CIZ1: variants seen among roughly 807,000 people sequenced by gnomAD.
CIZ1 encodes cip1-interacting zinc finger protein.
CIZ1 carries 58 observed loss-of-function variants against 118.6 expected under a neutral mutation model. The observed-to-expected ratio is 0.49, with a 90% CI of 0.40 to 0.61. The LOEUF (loss-of-function observed/expected upper bound fraction) is 0.61. Ranked by LOEUF, CIZ1 falls within the 20% of genes least tolerant of loss-of-function variation. CIZ1 has a pLI of 0.00. For synonymous variants in CIZ1, 448 were observed against 443.4 expected (o/e 1.01, Z -0.13); for missense variants, 921 against 1,115.9 (o/e 0.83, Z 2.49).
intron 7 of CIZ1, among the ~76,000 whole-genome samples, chr9:128,179,776 G>C (rs1205951006): frequency 1.3e-5 from 2 of 152,120 alleles, no homozygotes; most frequent in African/African-American, 4.8e-5. Context: ...AGGTCCAAGC[G>C]ATTCTCCTGC....
chr9:128,167,500 T>C, intron 14 of CIZ1: 1 of 244,128 alleles, frequency 4.1e-6, no homozygotes, highest in South Asian at 9.2e-5. Context: ...TACACACATT[T>C]TACTAAGAAG....
chr9:128,189,264 G>GA (rs1832831291), intron 3 of CIZ1, among the ~76,000 whole-genome samples: 1 of 151,890 alleles, frequency 6.6e-6, no homozygotes, highest in Non-Finnish European at 1.5e-5. Context: ...AAATGGGAAA[G>GA]AAAAAAAGGA....
intron 6 of CIZ1, 92 bp downstream of exon 6, chr9:128,180,629 C>A: frequency 7.4e-7 from 1 of 1,342,282 alleles, no homozygotes; most frequent in Non-Finnish European, 1.1e-6. Context: ...AGAACCCCTG[C>A]CTCCCACACC....
In CIZ1 at chr9:128,176,512, T is replaced by C. The variant is rs768696226; in HGVS notation, c.1819-37A>G. On this transcript the variant is annotated intron_variant, in intron 10 of 16. Transcript: ENST00000372938. Reference sequence around the variant, plus strand: ...GGGAAAGAGGGATGGGCCTGGGGCGTGAGCCCAGAACAGTGGGCAAGGCTG... The same window carrying C: ...GGGAAAGAGGGATGGGCCTGGGGCGCGAGCCCAGAACAGTGGGCAAGGCTG... The C allele has an allele frequency of 3.1e-6, 5 of 1,603,724 alleles. No individual in the cohort carries two copies. The South Asian group carries it at 5.5e-5, about 18-fold the overall frequency.
At chr9:128,169,897 T>C (rs1829923033) in intron 12 of CIZ1, 123 bp downstream of exon 12, 8 of 1,025,992 alleles carry the variant, frequency 7.8e-6, no homozygotes, top group South Asian at 4.4e-5. Flanking sequence ...AGAAACTGCA[T>C]TGTGGGTTAT....
At chr9:128,172,019 C>T (rs182104070) in intron 11 of CIZ1, among the ~76,000 whole-genome samples, 45 of 151,606 alleles carry the variant, frequency 3.0e-4, no homozygotes, top group African/African-American at 7.0e-4. Context: ...CTGGGCATAC[C>T]GCTGGTTCAC....
In CIZ1 at chr9:128,169,075, C is replaced by A; in HGVS notation, c.2272G>T (p.Val758Phe). ...EDDEDEEEIEVEEELCKQVRS... is the reference protein window; with the variant it reads ...EDDEDEEEIEFEEELCKQVRS... Reference sequence around the variant, plus strand: ...ACCTGCTTGCAGAGTTCCTCCTCAACCTCGATCTCTTCTTCATCCTCATCA... The same window carrying A: ...ACCTGCTTGCAGAGTTCCTCCTCAAACTCGATCTCTTCTTCATCCTCATCA... Residue 758 changes from valine to phenylalanine, a missense_variant, in exon 14 of 17, where the codon GTT becomes TTT. Physicochemically the swap from Val to Phe is conservative, Grantham distance 50. Coordinates refer to ENST00000372938, the MANE Select transcript of CIZ1 (RefSeq NM_001131016.2). 6.2e-7 allele frequency: 1 copy of A among 1,614,162 alleles called. No individual in the cohort carries two copies. Among genetic ancestry groups the A allele is most frequent in the Non-Finnish European group, 8.5e-7 (1 of 1,180,010 alleles).
chr9:128,183,219 C>T (rs1831903440), intron 5 of CIZ1, among the ~76,000 whole-genome samples: 1 of 152,206 alleles, frequency 6.6e-6, no homozygotes, highest in Non-Finnish European at 1.5e-5. Context: ...CTCTGCCCTT[C>T]AGAAACTACC....
chr9:128,198,562 G>A (rs561813692), intron 1 of CIZ1, among the ~76,000 whole-genome samples: 12 of 152,226 alleles, frequency 7.9e-5, no homozygotes, highest in African/African-American at 2.6e-4. Flanking sequence ...GGCCAGGCAC[G>A]GTGGCTCATG....
rs45475997 is a variant in CIZ1, at chr9:128,183,514, C to T, written c.588+2033G>A. Among the ~76,000 whole-genome samples, 3 of 152,302 alleles carry T rather than the reference C, an allele frequency of 2.0e-5. No individual in the cohort carries two copies. The East Asian group carries it at 5.8e-4, about 29-fold the overall frequency. ...GCCAGCAAAGGGGGCATTGCCCCTG[C>T]GCTGGAATACACCCAGAAGCAGGGT... On this transcript the variant is annotated intron_variant, in intron 5 of 16. Transcript: ENST00000372938.
intron 11 of CIZ1, among the ~76,000 whole-genome samples, chr9:128,175,495 G>A (rs1032319596): frequency 6.6e-6 from 1 of 152,086 alleles, no homozygotes; most frequent in Admixed American, 6.6e-5. Flanking sequence ...GCAAGCGGAG[G>A]CCAACCAAGA....
At chr9:128,173,172 T>C (rs1490648516) in intron 11 of CIZ1, among the ~76,000 whole-genome samples, 1 of 130,650 alleles carries the variant, frequency 7.7e-6, no homozygotes, top group Non-Finnish European at 1.6e-5. Flanking sequence ...TGAGACGGAG[T>C]CTCGCTCTGT....
At chr9:128,191,746 C>A (rs1588272504), upstream of CIZ1, 2 of 1,394,954 alleles carry the variant, frequency 1.4e-6, no homozygotes, top group African/African-American at 3.0e-5. This position sits in a 1 kb window ranked among gnomAD's most constrained non-coding sequence, Gnocchi z 5.5. Flanking sequence ...TGTCCCGCGT[C>A]CTCCGCATCG....
Position 128,166,732 on chromosome 9 carries a change from G to A in CIZ1, c.2487+27C>T. The A allele has an allele frequency of 6.2e-7, 1 of 1,614,110 alleles. No individual in the cohort carries two copies. Among genetic ancestry groups the A allele is most frequent in the Non-Finnish European group, 8.5e-7 (1 of 1,179,978 alleles). On this transcript the variant is annotated intron_variant, in intron 16 of 16. Transcript: ENST00000372938. The surrounding 1 kb of genome is among the most constrained non-coding windows in gnomAD (Gnocchi z 4.4). Reference sequence around the variant, plus strand: ...ATTAAGACTAAGTCTGTGGCCAGGGGAGGACAGGGCAGGATGTCCGGCTCA... The same window carrying A: ...ATTAAGACTAAGTCTGTGGCCAGGGAAGGACAGGGCAGGATGTCCGGCTCA...
chr9:128,183,690 A>G (rs1174123138), intron 5 of CIZ1, among the ~76,000 whole-genome samples: 1 of 152,262 alleles, frequency 6.6e-6, no homozygotes, highest in African/African-American at 2.4e-5. Flanking sequence ...TATAGCCGGC[A>G]ACAGCGTATA....
In CIZ1 at chr9:128,191,428, G is replaced by T; in HGVS notation, c.-6+4C>A. ...CCACGACCCAGCCGCCCCCGGCCCC[G>T]CACCTCGCCTCCCCGCGCGCCCTCA... is the stretch of plus-strand genomic sequence containing the variant. On this transcript the variant is annotated splice_donor_region_variant and intron_variant, in intron 1 of 16. Coordinates refer to ENST00000372938, the MANE Select transcript of CIZ1 (RefSeq NM_001131016.2). The surrounding 1 kb of genome is among the most constrained non-coding windows in gnomAD (Gnocchi z 5.5). 1.1e-6 allele frequency: 1 copy of T among 944,490 alleles called. No homozygotes were observed. Among genetic ancestry groups the T allele is most frequent in the Non-Finnish European group, 1.3e-6 (1 of 790,768 alleles). The allele number at this position is 944,490 out of a possible 1,614,324, so 58.5% of individuals were successfully genotyped here.
chr9:128,176,385 G>C lies in CIZ1; in HGVS notation c.1909C>G (p.Pro637Ala), dbSNP rs916931766. ...MSQACLLSLLPVPRDVLETED... is the reference protein window; with the variant it reads ...MSQACLLSLLAVPRDVLETED... ...GTCTCCAGGACGTCCCGGGGCACGG[G>C]CAGCAGGGACAGGAGGCAGGCTTGG... The change falls in exon 11 of 17, where the codon CCC (proline) becomes GCC (alanine). Residue 637 changes from proline (P) to alanine (A), a missense_variant. Physicochemically the swap from Pro to Ala is conservative, Grantham distance 27 (BLOSUM62 -1). Coordinates refer to ENST00000372938, the MANE Select transcript of CIZ1 (RefSeq NM_001131016.2). 16 of 1,614,088 alleles carry C rather than the reference G, an allele frequency of 9.9e-6. No homozygotes were observed. The highest frequency in any genetic ancestry group is 1.3e-5 in the Non-Finnish European group (15 of 1,179,998).
At position 128,169,094 on chromosome 9, in the gene CIZ1, C is replaced by T. The variant is rs1829804099; in HGVS notation, c.2253G>A (p.Glu751=). The change falls in exon 14 of 17, where the codon GAG becomes GAA. Residue 751 remains glutamate (E), a synonymous_variant. Transcript: ENST00000372938. Reference sequence around the variant, plus strand: ...CCTCAACCTCGATCTCTTCTTCATCCTCATCATCCTCTTCCTCTTCTTCAT... The same window carrying T: ...CCTCAACCTCGATCTCTTCTTCATCTTCATCATCCTCTTCCTCTTCTTCAT... ...EGDEEEEEDD[E]DEEEIEVEEE... is the part of the protein sequence containing the mutation. 1.2e-6 allele frequency: 2 copies of T among 1,614,042 alleles called. No individual in the cohort carries two copies. Among genetic ancestry groups the T allele is most frequent in the South Asian group, 1.1e-5 (1 of 91,084 alleles).
At chr9:128,170,220 G>A in intron 11 of CIZ1, 113 bp from the exon 12 acceptor site, 1 of 901,148 alleles carries the variant, frequency 1.1e-6, no homozygotes, top group Non-Finnish European at 1.7e-6. Flanking sequence ...GGATCTCTTA[G>A]GGAAGCTTAA....
Sources: allele counts gnomAD v4.1 joint callset (sites outside exome capture counted in the v4.1 genomes callset), GRCh38; gene constraint gnomAD v4.1.1; non-coding constraint Gnocchi (gnomAD v3.1); transcripts MANE v1.5; gene names NCBI Gene and HGNC (gene_info 2026-07-23, HGNC 2026-07-21).